Variants in DNAH11 observed in about 807,000 individuals in gnomAD.
DNAH11 encodes the protein dynein axonemal heavy chain 11.
A neutral mutation model predicts 526.0 loss-of-function variants in DNAH11; 442 were observed. That is an observed-to-expected ratio of 0.84 (90% CI 0.78 to 0.91). The LOEUF is 0.91. Ranked by LOEUF, DNAH11 falls within the 40% of genes least tolerant of loss-of-function variation. The pLI, the probability that DNAH11 is intolerant of heterozygous loss-of-function variation, is 0.00. For synonymous variants in DNAH11, 2,461 were observed against 1,935.9 expected (o/e 1.27, Z -7.12); for missense variants, 6,989 against 5,448.7 (o/e 1.28, Z -8.90).
chr7:21,881,076 T>C (rs1302668748), intron 75 of DNAH11, among the ~76,000 whole-genome samples, 183 bp downstream of exon 75: 1 of 152,218 alleles, frequency 6.6e-6, no homozygotes, highest in Non-Finnish European at 1.5e-5. Flanking sequence ...AGTGGATGTT[T>C]GCACTTCATG....
intron 74 of DNAH11, 92 bp from the exon 75 acceptor site, chr7:21,880,610 C>G (rs1349604575): frequency 3.6e-6 from 5 of 1,394,006 alleles, no homozygotes; most frequent in Non-Finnish European, 5.0e-6. Context: ...ATCTCACTCT[C>G]AAAGTTCTTT....
At chr7:21,549,308 C>G (rs1016760841) in intron 2 of DNAH11, among the ~76,000 whole-genome samples, 2 of 152,166 alleles carry the variant, frequency 1.3e-5, no homozygotes, top group East Asian at 1.9e-4. Context: ...GAAGTTGTTC[C>G]ACAGCACATG....
chr7:21,574,671 C>T lies in DNAH11; in HGVS notation c.1593+2698C>T, dbSNP rs542564348. On this transcript the variant is annotated intron_variant, in intron 8 of 81. Coordinates refer to ENST00000409508, the MANE Select transcript of DNAH11 (RefSeq NM_001277115.2). ...CTCTGCCTCCTGGCTTCAAGTGATTCTTCTGCCTCAGCCTCCTGAGTAGCT... is the reference window on the plus strand; with the variant it reads ...CTCTGCCTCCTGGCTTCAAGTGATTTTTCTGCCTCAGCCTCCTGAGTAGCT... 9.4e-5 allele frequency among the ~76,000 whole-genome samples: 14 copies of T among 149,244 alleles called. No individual in the cohort carries two copies. In the East Asian group the frequency reaches 2.8e-3, roughly 30 times the overall value.
chr7:21,639,193 T>A, intron 28 of DNAH11, 128 bp downstream of exon 28: 1 of 1,168,214 alleles, frequency 8.6e-7, no homozygotes, highest in African/African-American at 1.6e-5. Flanking sequence ...CAGTTAAAAT[T>A]TGTAATGTAG....
At chr7:21,740,586 T>C (rs1367388462) in intron 48 of DNAH11, among the ~76,000 whole-genome samples, 2 of 152,222 alleles carry the variant, frequency 1.3e-5, no homozygotes, top group African/African-American at 4.8e-5. Flanking sequence ...CATATTCTAG[T>C]ACATGTATTT....
Position 21,852,576 on chromosome 7 carries a change from A to C in DNAH11, c.11006A>C (p.Lys3669Thr), listed in dbSNP as rs769150103. The C allele has an allele frequency of 1.2e-6, 2 of 1,611,560 alleles. No homozygotes were observed. Among genetic ancestry groups the C allele is most frequent in the South Asian group, 1.1e-5 (1 of 90,298 alleles). Residue 3669 changes from lysine (K) to threonine (T), a missense_variant, in exon 67 of 82, where the codon AAA becomes ACA. By Grantham distance (78) the Lys-to-Thr change is moderately conservative. Coordinates refer to ENST00000409508, the MANE Select transcript of DNAH11 (RefSeq NM_001277115.2). ...GAGGGAAGCTTTCTGGATGACACCA[A>C]ACTGGTAGAGAGATTGGAGGCAACA... Reference protein sequence around the residue: ...AAEGSFLDDTKLVERLEATKT... With the variant: ...AAEGSFLDDTTLVERLEATKT...
intron 6 of DNAH11, 80 bp from the exon 7 acceptor site, chr7:21,569,989 G>T (rs1783821945): frequency 1.7e-6 from 2 of 1,164,628 alleles, no homozygotes; most frequent in South Asian, 1.8e-5. Flanking sequence ...ATTTAAAAAT[G>T]ATTCTTTGAA....
intron 30 of DNAH11, among the ~76,000 whole-genome samples, chr7:21,667,267 G>T (rs1253120744): frequency 6.6e-6 from 1 of 152,138 alleles, no homozygotes; most frequent in Non-Finnish European, 1.5e-5. Context: ...GCCATTTATA[G>T]AGGGCTTCTG....
At chr7:21,767,158 C>G (rs539540066) in intron 55 of DNAH11, among the ~76,000 whole-genome samples, 13 of 152,248 alleles carry the variant, frequency 8.5e-5, no homozygotes, top group African/African-American at 3.1e-4. Flanking sequence ...GTGATAGTTA[C>G]AAGAAGGGTT....
At chr7:21,759,470 G>C (rs1786794296) in intron 54 of DNAH11, among the ~76,000 whole-genome samples, 1 of 152,192 alleles carries the variant, frequency 6.6e-6, no homozygotes, top group South Asian at 2.1e-4. Context: ...GAAGATACGA[G>C]GACGATGATA....
chr7:21,714,504 A>C (rs144120225), intron 42 of DNAH11, among the ~76,000 whole-genome samples: 228 of 152,328 alleles, frequency 1.5e-3, no homozygotes, highest in African/African-American at 4.9e-3. Flanking sequence ...ATCTTACTTT[A>C]ATGTCATTAT....
intron 55 of DNAH11, among the ~76,000 whole-genome samples, chr7:21,769,724 A>G (rs1787342181): frequency 6.6e-6 from 1 of 152,098 alleles, no homozygotes; most frequent in Admixed American, 6.5e-5. Context: ...ACCTCGGGTT[A>G]TCTGCCTGCC....
chr7:21,687,124 C>G lies in DNAH11; in HGVS notation c.5647C>G (p.Leu1883Val). The change falls in exon 33 of 82, where the codon CTT becomes GTT. Residue 1883 changes from leucine to valine, a missense_variant. Coordinates refer to ENST00000409508, the MANE Select transcript of DNAH11 (RefSeq NM_001277115.2). The stretch of plus-strand genomic sequence containing the variant: ...GTGTTATATTACCTTAACTCAATCA[C>G]TTCATCTAACCATGAGTGGGGCTCC... ...DRCYITLTQS[L>V]HLTMSGAPAG... 1.2e-6 allele frequency: 2 copies of G among 1,613,362 alleles called. No individual in the cohort carries two copies. The highest frequency in any genetic ancestry group is 2.2e-5 in the East Asian group (1 of 44,860).
chr7:21,569,783 AT>A (rs1783811916), intron 6 of DNAH11, among the ~76,000 whole-genome samples: 1 of 152,226 alleles, frequency 6.6e-6, no homozygotes, highest in Non-Finnish European at 1.5e-5. Flanking sequence ...AGTCATGCAA[AT>A]TACATGACAG....
chr7:21,779,250 C>A, intron 57 of DNAH11, 146 bp downstream of exon 57: 2 of 979,148 alleles, frequency 2.0e-6, no homozygotes, highest in Non-Finnish European at 2.9e-6. Flanking sequence ...GCATTTCACA[C>A]CGTGATTACC....
chr7:21,834,213 CTA>C (rs894480743), intron 65 of DNAH11, among the ~76,000 whole-genome samples: 1 of 152,000 alleles, frequency 6.6e-6, no homozygotes, highest in Non-Finnish European at 1.5e-5. Flanking sequence ...ACTTTGGAAA[CTA>C]TACAAATACT....
intron 25 of DNAH11, among the ~76,000 whole-genome samples, chr7:21,628,245 A>T (rs1234846785): frequency 2.6e-5 from 4 of 152,056 alleles, no homozygotes. Flanking sequence ...GAACAAGGCT[A>T]ATTTGACTTC....
chr7:21,867,570 G>T (rs1197340026), intron 71 of DNAH11, among the ~76,000 whole-genome samples: 1 of 152,146 alleles, frequency 6.6e-6, no homozygotes, highest in Non-Finnish European at 1.5e-5. Flanking sequence ...GGGGATTTGG[G>T]GGATACAAAG....
At chr7:21,724,754 A>T (rs1785019324) in intron 44 of DNAH11, among the ~76,000 whole-genome samples, 1 of 151,082 alleles carries the variant, frequency 6.6e-6, no homozygotes, top group Non-Finnish European at 1.5e-5. Context: ...TCACTGGGCC[A>T]GGTCATCCTA....
Sources: gnomAD v4.1 joint callset for allele counts (sites outside exome capture counted in the v4.1 genomes callset) on GRCh38, gnomAD v4.1.1 for gene constraint, MANE v1.5 for transcripts, NCBI Gene and HGNC (gene_info 2026-07-23, HGNC 2026-07-21) for gene names.